Variants in CNTNAP2 observed in about 807,000 individuals in gnomAD.
CNTNAP2 encodes the protein contactin-associated protein-like 2.
CNTNAP2 carries 98 observed loss-of-function variants against 155.2 expected under a neutral mutation model. That is an observed-to-expected ratio of 0.63 (90% CI 0.54 to 0.75). The LOEUF is 0.75. CNTNAP2 is among the 30% of genes least tolerant of loss of function. CNTNAP2 has a pLI of 0.00. For missense variants in CNTNAP2, 1,727 were observed against 1,688.1 expected, an observed-to-expected ratio of 1.02 and a Z score of -0.40; for synonymous variants, 651 against 631.2, an observed-to-expected ratio of 1.03 and a Z score of -0.47.
At chr7:146,301,203 T>C (rs181252159) in intron 1 of CNTNAP2, among the ~76,000 whole-genome samples, 12 of 152,292 alleles carry the variant, frequency 7.9e-5, no homozygotes, top group South Asian at 2.1e-4. Flanking sequence ...CCAAAACCAA[T>C]TGGAGCCTAT....
intron 1 of CNTNAP2, among the ~76,000 whole-genome samples, chr7:146,746,948 C>G (rs1028846654): frequency 1.3e-5 from 2 of 152,000 alleles, no homozygotes; most frequent in Non-Finnish European, 2.9e-5. Context: ...GGGGATATTT[C>G]TGTAGAAAAT....
At chr7:147,700,974 G>C (rs1796228486) in intron 13 of CNTNAP2, among the ~76,000 whole-genome samples, 1 of 152,204 alleles carries the variant, frequency 6.6e-6, no homozygotes, top group South Asian at 2.1e-4. Flanking sequence ...TGTGAAATCT[G>C]AAGCTAAGAG....
At chr7:146,692,964 T>A (rs998631943) in intron 1 of CNTNAP2, among the ~76,000 whole-genome samples, 13 of 152,116 alleles carry the variant, frequency 8.5e-5, no homozygotes, top group Non-Finnish European at 1.8e-4. Context: ...TCTTAAGTAT[T>A]CCTTACCTTG....
intron 12 of CNTNAP2, among the ~76,000 whole-genome samples, chr7:147,588,206 AAAAAC>A (rs60569375): frequency 0.3 from 45,553 of 151,510 alleles, 7,796 homozygotes; most frequent in African/African-American, 0.47. Context: ...GAGAGAGAGA[AAAAAC>A]AAAACAAAAC....
intron 14 of CNTNAP2, among the ~76,000 whole-genome samples, chr7:147,967,378 G>A (rs1221931053): frequency 6.6e-6 from 1 of 152,048 alleles, no homozygotes; most frequent in Non-Finnish European, 1.5e-5. Context: ...GATTTGATCT[G>A]TTTTTTTCTA....
chr7:147,521,145 C>A (rs1332393440), intron 11 of CNTNAP2, among the ~76,000 whole-genome samples: 2 of 152,188 alleles, frequency 1.3e-5, no homozygotes, highest in Admixed American at 6.5e-5. Context: ...CCATGTCTCT[C>A]CTATGTTAAC....
intron 14 of CNTNAP2, among the ~76,000 whole-genome samples, chr7:147,912,806 C>A (rs541401596): frequency 6.6e-6 from 1 of 152,150 alleles, no homozygotes; most frequent in Non-Finnish European, 1.5e-5. Flanking sequence ...ACAGGAGGAA[C>A]ATTTGCTTCT....
chr7:148,172,362 G>T lies in CNTNAP2; in HGVS notation c.2894G>T (p.Gly965Val). Residue 965 changes from glycine (G) to valine (V), a missense_variant, in exon 18 of 24, where the codon GGC (glycine) becomes GTC (valine). Gly to Val is a moderately radical substitution (Grantham distance 109). Transcript: ENST00000361727. ...VTSGFISGCSGHCTSYGTNCE... is the reference protein window; with the variant it reads ...VTSGFISGCSVHCTSYGTNCE... ...TCTGGGTTCATATCCGGATGCTCGG[G>T]CCATTGCACCAGCTATGGAACAAAC... The T allele has an allele frequency of 1.2e-6, 2 of 1,614,120 alleles. No individual in the cohort carries two copies. The highest frequency in any genetic ancestry group is 1.7e-6 in the Non-Finnish European group (2 of 1,180,034).
chr7:148,214,574 T>C (rs1339672508), intron 18 of CNTNAP2, among the ~76,000 whole-genome samples: 1 of 152,158 alleles, frequency 6.6e-6, no homozygotes, highest in Non-Finnish European at 1.5e-5. Flanking sequence ...TTTATTTTTA[T>C]GTATTTATTT....
rs182754261 is a variant in CNTNAP2 at position 147,530,753 on chromosome 7, C to T, written c.1778-31385C>T. 2.1e-3 allele frequency among the ~76,000 whole-genome samples: 321 copies of T among 152,252 alleles called. 2 individuals carry two copies. Among genetic ancestry groups the T allele is most frequent in the African/African-American group, 7.1e-3 (297 of 41,542 alleles). ...CTCCAAATCTCATGTCCTCACATTT[C>T]AAAACCAATCATGCCTTCCCAATAG... On this transcript the variant is annotated intron_variant, in intron 11 of 23. Coordinates refer to ENST00000361727, the MANE Select transcript of CNTNAP2 (RefSeq NM_014141.6).
At chr7:146,722,809 G>A (rs1801361811) in intron 1 of CNTNAP2, among the ~76,000 whole-genome samples, 2 of 152,068 alleles carry the variant, frequency 1.3e-5, no homozygotes, top group Admixed American at 6.6e-5. Flanking sequence ...GAGGTCAGGA[G>A]TTCGAGACCA....
At chr7:146,427,146 G>T (rs1420292733) in intron 1 of CNTNAP2, among the ~76,000 whole-genome samples, 1 of 151,992 alleles carries the variant, frequency 6.6e-6, no homozygotes, top group Non-Finnish European at 1.5e-5. Context: ...TCATTAAAAA[G>T]ATTATTTATA....
intron 1 of CNTNAP2, among the ~76,000 whole-genome samples, chr7:146,491,813 T>C (rs1797143642): frequency 6.6e-6 from 1 of 152,182 alleles, no homozygotes; most frequent in Non-Finnish European, 1.5e-5. Flanking sequence ...TCTGCCTACT[T>C]TGTGAAACAA....
At chr7:147,640,544 G>A (rs1795255044) in intron 13 of CNTNAP2, among the ~76,000 whole-genome samples, 1 of 152,114 alleles carries the variant, frequency 6.6e-6, no homozygotes. Flanking sequence ...TGGGCTGTTG[G>A]ATGCCCCAAA....
chr7:147,385,921 T>G (rs1050420979), intron 9 of CNTNAP2, among the ~76,000 whole-genome samples: 1 of 152,222 alleles, frequency 6.6e-6, no homozygotes, highest in Non-Finnish European at 1.5e-5. Flanking sequence ...AGCAAACATC[T>G]GCCTGGGCAT....
intron 1 of CNTNAP2, among the ~76,000 whole-genome samples, chr7:146,495,962 G>A (rs1185998296): frequency 6.6e-6 from 1 of 152,158 alleles, no homozygotes; most frequent in African/African-American, 2.4e-5. Flanking sequence ...GTGAGTACTG[G>A]ATTAGGACGG....
At chr7:146,770,102 T>C (rs1302709409) in intron 1 of CNTNAP2, among the ~76,000 whole-genome samples, 1 of 152,136 alleles carries the variant, frequency 6.6e-6, no homozygotes, top group East Asian at 1.9e-4. Context: ...TCTAATTTAT[T>C]TGTGGCTTTT....
chr7:146,604,953 T>C (rs1467752234), intron 1 of CNTNAP2, among the ~76,000 whole-genome samples: 1 of 130,004 alleles, frequency 7.7e-6, no homozygotes, highest in South Asian at 3.0e-4. Context: ...AGGGATAGCA[T>C]TGGGAGATAT....
intron 13 of CNTNAP2, among the ~76,000 whole-genome samples, chr7:147,837,448 C>G (rs1216168899): frequency 6.6e-6 from 1 of 152,092 alleles, no homozygotes; most frequent in Non-Finnish European, 1.5e-5. Flanking sequence ...GGTGGGGACA[C>G]AGCCAAACCA....
Sources: gnomAD v4.1 joint callset for allele counts (sites outside exome capture counted in the v4.1 genomes callset) on GRCh38, gnomAD v4.1.1 for gene constraint, MANE v1.5 for transcripts, NCBI Gene and HGNC (gene_info 2026-07-23, HGNC 2026-07-21) for gene names.